The following NXPH1 variants were observed in gnomAD, a reference collection of about 807,000 sequenced individuals.
NXPH1 encodes neurexophilin 1.
A neutral mutation model predicts 23.7 loss-of-function variants in NXPH1; 5 were observed. The observed-to-expected ratio is 0.21, with a 90% CI of 0.11 to 0.44. The LOEUF is 0.44. Ranked by LOEUF, NXPH1 falls within the 20% of genes least tolerant of loss-of-function variation. The pLI, the probability that NXPH1 is intolerant of heterozygous loss-of-function variation, is 0.99. For synonymous variants in NXPH1, 144 were observed against 122.2 expected (o/e 1.18, Z -1.18); for missense variants, 324 against 321.6 (o/e 1.01, Z -0.06).
intron 2 of NXPH1, among the ~76,000 whole-genome samples, chr7:8,638,008 A>T (rs1251151474): frequency 2.0e-5 from 3 of 152,204 alleles, no homozygotes; most frequent in Non-Finnish European, 2.9e-5. Context: ...CCAAAAATAA[A>T]AAGTCAGCTA....
At chr7:8,488,682 A>G (rs1004153198) in intron 2 of NXPH1, among the ~76,000 whole-genome samples, 8 of 152,134 alleles carry the variant, frequency 5.3e-5, no homozygotes, top group South Asian at 2.1e-4. Context: ...TTTCTGACCT[A>G]GATCAATCAC....
At chr7:8,657,462 T>G (rs1748991846) in intron 2 of NXPH1, among the ~76,000 whole-genome samples, 1 of 152,168 alleles carries the variant, frequency 6.6e-6, no homozygotes, top group Non-Finnish European at 1.5e-5. Flanking sequence ...GACACTTGAC[T>G]TGGAAACAAG....
rs768713604 is a variant in NXPH1 at position 8,751,500 on chromosome 7, G to A, written c.547G>A (p.Val183Met). ...IVEFDLAQQTVIDAKDSKSFN... is the reference protein window; with the variant it reads ...IVEFDLAQQTMIDAKDSKSFN... ...GGAATTTGACTTGGCACAACAAACC[G>A]TGATTGATGCCAAAGATTCCAAGTC... The change falls in exon 3 of 3, where the codon GTG becomes ATG. Residue 183 changes from valine to methionine, a missense_variant. By Grantham distance (21) the Val-to-Met change is conservative (BLOSUM62 1). Coordinates refer to ENST00000405863, the MANE Select transcript of NXPH1 (RefSeq NM_152745.3). This position sits in a 1 kb window ranked among gnomAD's most constrained non-coding sequence, Gnocchi z 4.5. The A allele has an allele frequency of 5.0e-6, 8 of 1,613,552 alleles. No homozygotes were observed. Among genetic ancestry groups the A allele is most frequent in the East Asian group, 4.5e-5 (2 of 44,878 alleles).
rs545572038 is a variant in NXPH1, at chr7:8,661,649, G to T, written c.55-89359G>T. Among the ~76,000 whole-genome samples, 76 of 152,038 alleles carry T rather than the reference G, an allele frequency of 5.0e-4. No homozygotes were observed. The Middle Eastern group carries it at 0.01, about 20-fold the overall frequency. On this transcript the variant is annotated intron_variant, in intron 2 of 2. Transcript: ENST00000405863. The stretch of plus-strand genomic sequence containing the variant: ...CATTAAAAAGTCAGTGTAAAACAAA[G>T]AAAAAACAAAAATGTAAGCGAAATT...
chr7:8,506,503 T>C (rs1462909697), intron 2 of NXPH1, among the ~76,000 whole-genome samples: 1 of 152,104 alleles, frequency 6.6e-6, no homozygotes, highest in African/African-American at 2.4e-5. Flanking sequence ...TACCTTTGGT[T>C]GCTTACTTGC....
intron 2 of NXPH1, among the ~76,000 whole-genome samples, chr7:8,527,754 T>C (rs1817887038): frequency 1.3e-5 from 2 of 152,098 alleles, no homozygotes; most frequent in African/African-American, 4.8e-5. Context: ...CAATATGAAA[T>C]TGTTTGACAG....
intron 2 of NXPH1, among the ~76,000 whole-genome samples, chr7:8,466,023 T>C (rs1816781271): frequency 6.6e-6 from 1 of 152,220 alleles, no homozygotes; most frequent in African/African-American, 2.4e-5. Flanking sequence ...TGACTCGCTT[T>C]AATTCACTCA....
intron 2 of NXPH1, among the ~76,000 whole-genome samples, chr7:8,569,221 T>A (rs1818603061): frequency 1.3e-5 from 2 of 151,824 alleles, no homozygotes; most frequent in African/African-American, 4.8e-5. Context: ...ATTAAGCTTC[T>A]ACACCTAGCT....
chr7:8,702,481 C>T (rs539095924), intron 2 of NXPH1, among the ~76,000 whole-genome samples: 9 of 152,166 alleles, frequency 5.9e-5, no homozygotes, highest in African/African-American at 2.2e-4. Flanking sequence ...GTTAGCATAT[C>T]CATGGGAGGC....
intron 2 of NXPH1, among the ~76,000 whole-genome samples, chr7:8,440,793 A>G (rs1816283627): frequency 1.3e-5 from 2 of 152,248 alleles, no homozygotes; most frequent in South Asian, 4.1e-4. Context: ...ATGGGGAAGA[A>G]GGAGCCTCGC....
chr7:8,616,967 G>C (rs931074214), intron 2 of NXPH1, among the ~76,000 whole-genome samples: 1 of 152,070 alleles, frequency 6.6e-6, no homozygotes, highest in African/African-American at 2.4e-5. Context: ...CCAAGAGATG[G>C]TGCCAGCTTG....
intron 2 of NXPH1, among the ~76,000 whole-genome samples, chr7:8,655,652 A>G (rs1404189945): frequency 6.6e-6 from 1 of 151,948 alleles, no homozygotes; most frequent in Non-Finnish European, 1.5e-5. Context: ...TTATTGAAAG[A>G]TTTTCTTCAT....
intron 2 of NXPH1, among the ~76,000 whole-genome samples, chr7:8,601,404 C>CA (rs56971515): frequency 0.054 from 8,160 of 152,120 alleles, 501 homozygotes; most frequent in East Asian, 0.17. Context: ...GAAAAAAATG[C>CA]AAAAAGACAA....
intron 2 of NXPH1, among the ~76,000 whole-genome samples, chr7:8,582,115 A>G (rs1818888726): frequency 6.6e-6 from 1 of 152,138 alleles, no homozygotes; most frequent in Non-Finnish European, 1.5e-5. Flanking sequence ...CTGTTGCTGG[A>G]TCAGATGTAC....
chr7:8,655,110 C>T (rs1283350375), intron 2 of NXPH1, among the ~76,000 whole-genome samples: 4 of 151,964 alleles, frequency 2.6e-5, no homozygotes, highest in Admixed American at 6.6e-5. Context: ...GGTGGCTGGG[C>T]GAAGTAGCTT....
intron 2 of NXPH1, among the ~76,000 whole-genome samples, chr7:8,739,541 G>A (rs1270281802): frequency 2.0e-5 from 3 of 152,092 alleles, no homozygotes; most frequent in African/African-American, 7.2e-5. Context: ...GAAGTCACCC[G>A]CCTTTTGCAT....
intron 2 of NXPH1, among the ~76,000 whole-genome samples, chr7:8,708,379 A>G (rs998907881): frequency 6.6e-6 from 1 of 151,590 alleles, no homozygotes; most frequent in Non-Finnish European, 1.5e-5. Flanking sequence ...TTTGGTTTTG[A>G]GATGGAGTTT....
At chr7:8,639,473 A>G in intron 2 of NXPH1, among the ~76,000 whole-genome samples, 1 of 151,882 alleles carries the variant, frequency 6.6e-6, no homozygotes, top group East Asian at 1.9e-4. Context: ...GAAAAAAAAA[A>G]GGCTGTTTCT....
At chr7:8,525,563 G>A (rs1221750758) in intron 2 of NXPH1, among the ~76,000 whole-genome samples, 2 of 152,158 alleles carry the variant, frequency 1.3e-5, no homozygotes, top group Non-Finnish European at 1.5e-5. Flanking sequence ...CCCATCACAG[G>A]CCCAGAGGCC....
Sources: gnomAD v4.1 joint callset for allele counts (sites outside exome capture counted in the v4.1 genomes callset) on GRCh38, gnomAD v4.1.1 for gene constraint, Gnocchi (gnomAD v3.1) non-coding constraint, MANE v1.5 for transcripts, NCBI Gene and HGNC (gene_info 2026-07-23, HGNC 2026-07-21) for gene names.